The following EIF4G1 variants were observed in gnomAD, a reference collection of about 807,000 sequenced individuals.
EIF4G1 encodes EIF4-gamma.
In EIF4G1, 4 loss-of-function variants were observed where a neutral mutation model predicts 187.8. That is an observed-to-expected ratio of 0.02 (90% CI 0.01 to 0.05). The LOEUF is 0.05. Ranked by LOEUF, EIF4G1 falls within the 10% of genes least tolerant of loss-of-function variation. The pLI is 1.00. For missense variants in EIF4G1, 1,647 were observed against 2,081.1 expected, an observed-to-expected ratio of 0.79 and a Z score of 4.06; for synonymous variants, 844 against 781.4, an observed-to-expected ratio of 1.08 and a Z score of -1.34.
chr3:184,332,865 C>T (rs540605140), intron 32 of EIF4G1, among the ~76,000 whole-genome samples: 8 of 152,264 alleles, frequency 5.3e-5, no homozygotes, highest in African/African-American at 1.9e-4. Flanking sequence ...GGGATGTGGG[C>T]CTGACCACAC....
chr3:184,324,096 C>T (rs1331061810), intron 16 of EIF4G1, 105 bp from the exon 17 acceptor site: 4 of 1,602,506 alleles, frequency 2.5e-6, no homozygotes, highest in South Asian at 1.1e-5. Context: ...TGGAAGGAGG[C>T]AGAGCTGGGG....
chr3:184,326,198 C>G (rs1724868716), intron 21 of EIF4G1, among the ~76,000 whole-genome samples: 1 of 152,056 alleles, frequency 6.6e-6, no homozygotes, highest in Admixed American at 6.5e-5. Flanking sequence ...TCATACATCC[C>G]AGGACCCAGT....
intron 2 of EIF4G1, 59 bp from the exon 3 acceptor site, chr3:184,315,704 C>T: frequency 7.7e-7 from 1 of 1,305,842 alleles, no homozygotes; most frequent in Non-Finnish European, 1.1e-6. Flanking sequence ...CCTTTCACCG[C>T]CCCATTTGCC....
In EIF4G1 at chr3:184,322,418, G is replaced by A; in HGVS notation, c.1576G>A (p.Ala526Thr). The A allele has an allele frequency of 6.2e-7, 1 of 1,614,190 alleles. No individual in the cohort carries two copies. Among genetic ancestry groups the A allele is most frequent in the Non-Finnish European group, 8.5e-7 (1 of 1,180,040 alleles). Residue 526 changes from alanine (A) to threonine (T), a missense_variant, in exon 11 of 33, where the codon GCT (alanine) becomes ACT (threonine). Coordinates refer to ENST00000346169, the MANE Select transcript of EIF4G1 (RefSeq NM_198241.3). ...RKIKELNKKE[A>T]VGDLLDAFKE... ...AATTAAGGAGCTAAATAAGAAGGAG[G>A]CTGTTGGAGACCTTCTGGATGCCTT...
rs111662868 is a variant in EIF4G1 at position 184,325,081 on chromosome 3, C to T, written c.2823C>T (p.Thr941=). 122 of 1,614,056 alleles carry T rather than the reference C, an allele frequency of 7.6e-5. No homozygotes were observed. Among genetic ancestry groups the T allele is most frequent in the Middle Eastern group, 1.6e-4 (1 of 6,084 alleles). ...SLECLCRLLT[T]IGKDLDFEKA... is the part of the protein sequence containing the mutation. ...AGTGCCTTTGTCGTCTGCTCACCAC[C>T]ATTGGCAAAGACCTGGACTTTGAAA... The change falls in exon 18 of 33, where the codon ACC becomes ACT. Residue 941 remains threonine, a synonymous_variant. Coordinates refer to ENST00000346169, the MANE Select transcript of EIF4G1 (RefSeq NM_198241.3). The surrounding 1 kb of genome is among the most constrained non-coding windows in gnomAD (Gnocchi z 5.2).
chr3:184,319,409 A>C (rs964218974), intron 6 of EIF4G1, among the ~76,000 whole-genome samples: 1 of 149,526 alleles, frequency 6.7e-6, no homozygotes, highest in Non-Finnish European at 1.5e-5. Flanking sequence ...GGTAGGAAAG[A>C]GTGCCTGCCT....
intron 28 of EIF4G1, among the ~76,000 whole-genome samples, chr3:184,329,821 A>G (rs1273976203): frequency 1.3e-5 from 2 of 152,144 alleles, no homozygotes; most frequent in African/African-American, 4.8e-5. Context: ...TATAAAGGTA[A>G]AGAGATGGGG....
rs779483197 is a variant in EIF4G1 at position 184,328,627 on chromosome 3, G to C, written c.3954-4G>C. Reference sequence around the variant, plus strand: ...AATGTCTTGACTTTGAATTCCCTTGGCAGGTTGTATGAAATCTTGGAATTG... The same window carrying C: ...AATGTCTTGACTTTGAATTCCCTTGCCAGGTTGTATGAAATCTTGGAATTG... On this transcript the variant is annotated splice_polypyrimidine_tract_variant and splice_region_variant and intron_variant, in intron 26 of 32. Transcript: ENST00000346169. The C allele has an allele frequency of 1.9e-6, 3 of 1,614,014 alleles. No homozygotes were observed. The highest frequency in any genetic ancestry group is 3.3e-5 in the Admixed American group (2 of 59,992).
At position 184,325,162 on chromosome 3, in the gene EIF4G1, G is replaced by A. The variant is rs753870089; in HGVS notation, c.2856+48G>A. 6.2e-6 allele frequency: 10 copies of A among 1,603,630 alleles called. No individual in the cohort carries two copies. The East Asian group carries it at 2.2e-4, about 36-fold the overall frequency. ...GGGGATGGGCTGAAGCATATGTGGG[G>A]CTCACTGAGCCCACAATGATGGGGC... On this transcript the variant is annotated intron_variant, in intron 18 of 32. Transcript: ENST00000346169. This position sits in a 1 kb window ranked among gnomAD's most constrained non-coding sequence, Gnocchi z 5.2.
Position 184,319,800 on chromosome 3 carries a change from C to G in EIF4G1, c.536C>G (p.Thr179Arg), listed in dbSNP as rs981309467. 1.3e-6 allele frequency: 2 copies of G among 1,590,544 alleles called. No homozygotes were observed. The highest frequency in any genetic ancestry group is 1.8e-5 in the Admixed American group (1 of 57,134). The stretch of plus-strand genomic sequence containing the variant: ...ATTGCTCCCAAGAGGGAGCGTAAGA[C>G]GGTGAGTAGCAGTGAGGGGCTCCGG... ...PQIAPKRERK[T>R]IRIRDPNQGG... Residue 179 changes from threonine to arginine, a missense_variant and splice_region_variant, in exon 7 of 33, where the codon ACG becomes AGG. Thr to Arg is a moderately conservative substitution (Grantham distance 71). Around this residue, in one of 11 missense-constraint regions of EIF4G1, gnomAD observed 139 missense variants for 187.3 expected, o/e 0.74. Coordinates refer to ENST00000346169, the MANE Select transcript of EIF4G1 (RefSeq NM_198241.3).
In EIF4G1 at chr3:184,323,588, A is replaced by T; in HGVS notation, c.2269A>T (p.Thr757Ser). The change falls in exon 15 of 33, where the codon ACC (threonine) becomes TCC (serine). Residue 757 changes from threonine (T) to serine (S), a missense_variant. Coordinates refer to ENST00000346169, the MANE Select transcript of EIF4G1 (RefSeq NM_198241.3). This position sits in a 1 kb window ranked among gnomAD's most constrained non-coding sequence, Gnocchi z 6.9. ...GGAAGAAGATGCTGATGGCAGCAAA[A>T]CCCAGGTACTGGCAAGTCCTGCTTT... ...RGEEDADGSKTQDLFRRVRSI... is the reference protein window; with the variant it reads ...RGEEDADGSKSQDLFRRVRSI... 1.9e-6 allele frequency: 3 copies of T among 1,613,914 alleles called. No individual in the cohort carries two copies. Among genetic ancestry groups the T allele is most frequent in the Non-Finnish European group, 2.5e-6 (3 of 1,180,010 alleles).
chr3:184,316,007 C>T, intron 3 of EIF4G1, 125 bp from the exon 4 acceptor site: 1 of 1,534,842 alleles, frequency 6.5e-7, no homozygotes, highest in Non-Finnish European at 8.8e-7. Context: ...CGGGGGCTGT[C>T]ACGGGGAGGG....
intron 16 of EIF4G1, 43 bp downstream of exon 16, chr3:184,324,020 A>G (rs1724385837): frequency 6.2e-7 from 1 of 1,612,190 alleles, no homozygotes; most frequent in Non-Finnish European, 8.5e-7. Flanking sequence ...CTGGTTGCCC[A>G]TTCCTATTCC....
intron 26 of EIF4G1, 67 bp downstream of exon 26, chr3:184,328,069 C>T: frequency 6.4e-7 from 1 of 1,556,610 alleles, no homozygotes; most frequent in Non-Finnish European, 8.7e-7. Context: ...TTTTTGGGAC[C>T]CTTGGAACCT....
At chr3:184,333,906 C>T (rs1318280851) in intron 32 of EIF4G1, among the ~76,000 whole-genome samples, 2 of 152,096 alleles carry the variant, frequency 1.3e-5, no homozygotes, top group Non-Finnish European at 2.9e-5. Flanking sequence ...AGTGAAGGTT[C>T]TGCCCTGCTA....
chr3:184,330,314 G>A (rs1457937533), intron 28 of EIF4G1, among the ~76,000 whole-genome samples: 1 of 152,164 alleles, frequency 6.6e-6, no homozygotes, highest in African/African-American at 2.4e-5. Flanking sequence ...AGGAGGGGGA[G>A]GTTGCAGTAA....
chr3:184,328,083 A>C, intron 26 of EIF4G1, 81 bp downstream of exon 26: 1 of 1,525,186 alleles, frequency 6.6e-7, no homozygotes, highest in Non-Finnish European at 9.0e-7. Flanking sequence ...GGAACCTTGC[A>C]TAAGAGTGTA....
In EIF4G1 at chr3:184,327,826, T is replaced by A. The variant is rs752311726; in HGVS notation, c.3781-4T>A. The A allele has an allele frequency of 1.9e-6, 3 of 1,614,086 alleles. No individual in the cohort carries two copies. The highest frequency in any genetic ancestry group is 1.7e-6 in the Non-Finnish European group (2 of 1,180,020). On this transcript the variant is annotated splice_polypyrimidine_tract_variant and splice_region_variant and intron_variant, in intron 25 of 32. Transcript: ENST00000346169. ...CTCTTCCTGCTGTGCCCTGCACCCC[T>A]CAGGAGGCAGTCCAGTGCGTGCAGG... is the stretch of plus-strand genomic sequence containing the variant.
At chr3:184,315,027 T>G (rs1722479777) in intron 1 of EIF4G1, 1 of 187,740 alleles carries the variant, frequency 5.3e-6, no homozygotes, top group Non-Finnish European at 1.1e-5. Context: ...CCCTCCCCCC[T>G]TCGCGGCCAG....
Sources: gnomAD v4.1 joint callset for allele counts (sites outside exome capture counted in the v4.1 genomes callset) on GRCh38, gnomAD v4.1.1 for gene constraint, gnomAD v4.1.1 regional missense constraint, Gnocchi (gnomAD v3.1) non-coding constraint, MANE v1.5 for transcripts, NCBI Gene and HGNC (gene_info 2026-07-23, HGNC 2026-07-21) for gene names.